Variants in NUP210L observed in about 807,000 individuals in gnomAD.
The protein encoded by NUP210L is nuclear pore membrane glycoprotein 210-like.
NUP210L carries 74 observed loss-of-function variants against 208.5 expected under a neutral mutation model. That is an observed-to-expected ratio of 0.35 (90% confidence interval 0.29 to 0.43). The LOEUF is 0.43. Among genes scored for constraint, NUP210L ranks in the 20% least tolerant of loss-of-function variants. NUP210L has a pLI of 1.00. For synonymous variants in NUP210L, 780 were observed against 816.9 expected (o/e 0.95, Z 0.77); for missense variants, 1,843 against 2,289.4 (o/e 0.81, Z 3.98).
At chr1:154,047,321 T>A (rs1192966873) in intron 25 of NUP210L, among the ~76,000 whole-genome samples, 2 of 152,220 alleles carry the variant, frequency 1.3e-5, no homozygotes, top group East Asian at 3.8e-4. Flanking sequence ...CCTGATGTAG[T>A]TAATATGCAT....
At position 153,993,100 on chromosome 1, in the gene NUP210L, G is replaced by A. The variant is rs776518221; in HGVS notation, c.5492-11C>T. On this transcript the variant is annotated splice_polypyrimidine_tract_variant and intron_variant, in intron 38 of 39. Coordinates refer to ENST00000368559, the Ensembl canonical transcript of NUP210L. ...GGAAGGCATTGTATGCTGGAAAAAG[G>A]ACAGGAAATGTCACAAGGCATATCT... is the stretch of plus-strand genomic sequence containing the variant. 24 of 1,606,160 alleles carry A rather than the reference G, an allele frequency of 1.5e-5. No individual in the cohort carries two copies. The East Asian group carries it at 4.9e-4, about 33-fold the overall frequency.
intron 17 of NUP210L, among the ~76,000 whole-genome samples, chr1:154,063,554 G>A (rs1654245104): frequency 6.6e-6 from 1 of 152,312 alleles, no homozygotes. Flanking sequence ...TCAGCAGTCA[G>A]GACTACAGGC....
chr1:154,126,695 A>C (rs1657997297), intron 9 of NUP210L, among the ~76,000 whole-genome samples: 2 of 152,208 alleles, frequency 1.3e-5, no homozygotes, highest in Admixed American at 1.3e-4. Context: ...CAAGAGTCAA[A>C]GCTTATGCAA....
intron 18 of NUP210L, 78 bp downstream of exon 18, chr1:154,061,508 A>T: frequency 1.1e-6 from 1 of 877,448 alleles, no homozygotes; most frequent in Non-Finnish European, 1.8e-6. Flanking sequence ...AGCTTTATGT[A>T]AGTTGTACAA....
At chr1:154,067,653 T>C (rs1654484577) in intron 17 of NUP210L, among the ~76,000 whole-genome samples, 1 of 152,170 alleles carries the variant, frequency 6.6e-6, no homozygotes, top group African/African-American at 2.4e-5. Flanking sequence ...GGAAGTCAAA[T>C]TGTCACTGTT....
chr1:154,123,069 A>AAT (rs371321267), intron 10 of NUP210L, among the ~76,000 whole-genome samples: 1,845 of 142,900 alleles, frequency 0.013, 55 homozygotes, highest in African/African-American at 0.028. Flanking sequence ...AAAAAAAAAA[A>AAT]CCACAAAAAA....
At chr1:154,044,235 G>A (rs867850777) in intron 27 of NUP210L, among the ~76,000 whole-genome samples, 31 of 151,782 alleles carry the variant, frequency 2.0e-4, no homozygotes, top group Admixed American at 9.8e-4. Flanking sequence ...GTGAAACCCC[G>A]TCTCTACTAA....
intron 20 of NUP210L, among the ~76,000 whole-genome samples, chr1:154,059,918 T>G (rs765580106): frequency 1.3e-5 from 2 of 152,154 alleles, no homozygotes; most frequent in Non-Finnish European, 2.9e-5. Flanking sequence ...ATGTTTTGAG[T>G]TGTCATGTCC....
At position 154,092,813 on chromosome 1, in the gene NUP210L, C is replaced by G. The variant is rs532444886; in HGVS notation, c.2187+2122G>C. Among the ~76,000 whole-genome samples the G allele has an allele frequency of 3.3e-5, 5 of 152,256 alleles. No homozygotes were observed. The South Asian group carries it at 1.0e-3, about 32-fold the overall frequency. Reference sequence around the variant, plus strand: ...GATCATAGCCCACTGTAACCTCAAACTACTGGGCTCAAGTGATCCTCCTGC... The same window carrying G: ...GATCATAGCCCACTGTAACCTCAAAGTACTGGGCTCAAGTGATCCTCCTGC... On this transcript the variant is annotated intron_variant, in intron 15 of 39. Transcript: ENST00000368559.
intron 10 of NUP210L, among the ~76,000 whole-genome samples, chr1:154,123,155 T>C (rs1657702256): frequency 6.6e-6 from 1 of 152,198 alleles, no homozygotes; most frequent in Non-Finnish European, 1.5e-5. Context: ...TGTATTTCTT[T>C]TCTTTTTGAG....
intron 7 of NUP210L, among the ~76,000 whole-genome samples, chr1:154,131,259 G>A (rs1363729590): frequency 2.9e-5 from 4 of 139,926 alleles, no homozygotes; most frequent in African/African-American, 7.9e-5. Flanking sequence ...GCAACAGAGC[G>A]AGACTCCATC....
At chr1:154,114,272 A>T (rs998794114) in intron 12 of NUP210L, among the ~76,000 whole-genome samples, 4 of 152,134 alleles carry the variant, frequency 2.6e-5, no homozygotes, top group Non-Finnish European at 4.4e-5. Context: ...AACCTGGGCA[A>T]CAGAAACCCC....
chr1:154,109,393 G>A (rs1400558303), intron 12 of NUP210L, among the ~76,000 whole-genome samples: 1 of 151,426 alleles, frequency 6.6e-6, no homozygotes, highest in East Asian at 1.9e-4. Flanking sequence ...GATGTATAAG[G>A]CAAATATTAT....
At position 154,109,797 on chromosome 1, in the gene NUP210L, G is replaced by A. The variant is rs969766037; in HGVS notation, c.1621-5587C>T. Among the ~76,000 whole-genome samples, 8 of 151,602 alleles carry A rather than the reference G, an allele frequency of 5.3e-5. 1 individual carries two copies. The South Asian group carries it at 1.5e-3, about 28-fold the overall frequency. On this transcript the variant is annotated intron_variant, in intron 12 of 39. Coordinates refer to ENST00000368559, the Ensembl canonical transcript of NUP210L. ...GAAATTAAACAACTTGCTCCTGAAT[G>A]ACCAGCATATCAATGAAGAAATTAA... is the stretch of plus-strand genomic sequence containing the variant.
At chr1:154,130,812 T>C (rs1178024736) in intron 7 of NUP210L, among the ~76,000 whole-genome samples, 1 of 151,882 alleles carries the variant, frequency 6.6e-6, no homozygotes, top group Non-Finnish European at 1.5e-5. Flanking sequence ...CTTAAACTCC[T>C]GGACTCAAGC....
At chr1:154,058,498 A>G in intron 21 of NUP210L, 67 bp downstream of exon 21, 1 of 1,548,056 alleles carries the variant, frequency 6.5e-7, no homozygotes, top group Middle Eastern at 1.7e-4. Context: ...CAGAGACTAT[A>G]TTAAGGAATG....
chr1:154,098,789 C>A (rs567783169), intron 14 of NUP210L, among the ~76,000 whole-genome samples: 1 of 152,142 alleles, frequency 6.6e-6, no homozygotes, highest in African/African-American at 2.4e-5. Flanking sequence ...TCAGGCCCTA[C>A]CTGGCCTGAA....
chr1:154,118,754 TCTTCA>T lies in NUP210L; in HGVS notation c.1376_1380del (p.Val459AspfsTer26). ...GGTGTAAGCATGATGGGAAAATAAA[TCTTCA>T]CTTCTTGTTGGTGTTTGATTAGAAA... On this transcript the variant is annotated frameshift_variant, in exon 11 of 40. Coordinates refer to ENST00000368559, the Ensembl canonical transcript of NUP210L. LOFTEE classifies it high-confidence loss of function. 1 of 1,594,602 alleles carries T rather than the reference TCTTCA, an allele frequency of 6.3e-7. No individual in the cohort carries two copies. The highest frequency in any genetic ancestry group is 8.6e-7 in the Non-Finnish European group (1 of 1,163,122).
intron 2 of NUP210L, among the ~76,000 whole-genome samples, chr1:154,150,049 G>A (rs373585038): frequency 1.3e-5 from 2 of 152,098 alleles, no homozygotes; most frequent in Admixed American, 6.6e-5. Flanking sequence ...GCAACATGGC[G>A]AAACCCCTAC....
Sources: allele counts gnomAD v4.1 joint callset (sites outside exome capture counted in the v4.1 genomes callset), GRCh38; gene constraint gnomAD v4.1.1; transcripts MANE v1.5; gene names NCBI Gene and HGNC (gene_info 2026-07-23, HGNC 2026-07-21).